Variants in PTPRK observed in about 807,000 individuals in gnomAD.
PTPRK encodes protein tyrosine phosphatase receptor type K, also known as receptor-type tyrosine-protein phosphatase kappa.
PTPRK carries 75 observed loss-of-function variants against 178.0 expected under a neutral mutation model. That is an observed-to-expected ratio of 0.42 (90% CI 0.35 to 0.51). PTPRK has a LOEUF of 0.51. Ranked by LOEUF, PTPRK falls within the 20% of genes least tolerant of loss-of-function variation. The pLI, the probability that PTPRK is intolerant of heterozygous loss-of-function variation, is 0.02. For missense variants in PTPRK, 1,441 were observed against 1,797.8 expected, an observed-to-expected ratio of 0.80 and a Z score of 3.59; for synonymous variants, 637 against 620.6, an observed-to-expected ratio of 1.03 and a Z score of -0.39.
intron 1 of PTPRK, among the ~76,000 whole-genome samples, chr6:128,484,277 T>C (rs1852510025): frequency 6.6e-6 from 1 of 152,174 alleles, no homozygotes; most frequent in Non-Finnish European, 1.5e-5. Flanking sequence ...AATATAGGTT[T>C]CAGTACCACC....
chr6:128,309,740 C>T (rs898720317), intron 3 of PTPRK, among the ~76,000 whole-genome samples: 2 of 151,326 alleles, frequency 1.3e-5, no homozygotes, highest in Non-Finnish European at 3.0e-5. Flanking sequence ...ATTTTCCAAA[C>T]CATTCCCTCT....
chr6:128,118,891 TG>T (rs1279254988), intron 7 of PTPRK, among the ~76,000 whole-genome samples: 2 of 152,230 alleles, frequency 1.3e-5, no homozygotes, highest in Non-Finnish European at 2.9e-5. Context: ...TTCTGAACAC[TG>T]GAAGTCTAAA....
intron 7 of PTPRK, among the ~76,000 whole-genome samples, chr6:128,131,084 A>G (rs1794159016): frequency 6.6e-6 from 1 of 152,094 alleles, no homozygotes; most frequent in Admixed American, 6.5e-5. Flanking sequence ...AAGGAGAGAG[A>G]ATTGAAAGGG....
intron 1 of PTPRK, among the ~76,000 whole-genome samples, chr6:128,433,321 T>C (rs543403445): frequency 1.3e-5 from 2 of 152,212 alleles, no homozygotes; most frequent in African/African-American, 4.8e-5. Context: ...CATTCTACTC[T>C]CTACTTCCAT....
At chr6:127,979,731 A>G (rs1775054255) in intron 25 of PTPRK, among the ~76,000 whole-genome samples, 1 of 152,220 alleles carries the variant, frequency 6.6e-6, no homozygotes, top group Non-Finnish European at 1.5e-5. Context: ...CAGGAACAAT[A>G]ACTTAGAAAG....
At chr6:128,355,620 TTC>T (rs1833847084) in intron 2 of PTPRK, among the ~76,000 whole-genome samples, 1 of 152,056 alleles carries the variant, frequency 6.6e-6, no homozygotes, top group Non-Finnish European at 1.5e-5. Context: ...TAAAAAAATA[TTC>T]TTTACACACA....
At chr6:128,063,489 T>TG (rs1781221099) in intron 13 of PTPRK, 2 of 152,216 alleles carry the variant, frequency 1.3e-5, no homozygotes, top group Non-Finnish European at 2.9e-5. Context: ...CAGAGGTCAA[T>TG]GTGGGACACT....
chr6:128,172,744 G>A (rs540071056), intron 7 of PTPRK, among the ~76,000 whole-genome samples: 15 of 143,874 alleles, frequency 1.0e-4, no homozygotes, highest in South Asian at 2.1e-4. Flanking sequence ...ATATACACAC[G>A]TACATATAAG....
Position 128,388,627 on chromosome 6 carries a change from C to T in PTPRK, c.223+8939G>A, listed in dbSNP as rs534554215. On this transcript the variant is annotated intron_variant, in intron 2 of 29. Coordinates refer to ENST00000368226, the MANE Select transcript of PTPRK (RefSeq NM_002844.4). ...AAAGTTCAAAGGTTAAATCCTTATC[C>T]TATATCTCTATATACCTGGATTCCT... Among the ~76,000 whole-genome samples, 9 of 152,290 alleles carry T rather than the reference C, an allele frequency of 5.9e-5. 1 individual carries two copies. Among genetic ancestry groups the T allele is most frequent in the South Asian group, 4.1e-4 (2 of 4,824 alleles).
chr6:128,493,031 C>T (rs572111882), intron 1 of PTPRK, among the ~76,000 whole-genome samples: 5 of 152,028 alleles, frequency 3.3e-5, no homozygotes, highest in Admixed American at 6.6e-5. Flanking sequence ...TTTTAGAAGC[C>T]GGAATATGTG....
At chr6:128,359,832 A>C (rs893337282) in intron 2 of PTPRK, among the ~76,000 whole-genome samples, 9 of 152,298 alleles carry the variant, frequency 5.9e-5, no homozygotes, top group South Asian at 2.1e-4. Flanking sequence ...TTTGCCTACT[A>C]TCTCAATTAA....
At position 127,983,189 on chromosome 6, in the gene PTPRK, T is replaced by C; in HGVS notation, c.3387+53A>G. 6 of 1,464,572 alleles carry C rather than the reference T, an allele frequency of 4.1e-6. No individual in the cohort carries two copies. The South Asian group carries it at 8.1e-5, about 20-fold the overall frequency. The allele number at this position is 1,464,572 out of a possible 1,614,324, so 90.7% of individuals were successfully genotyped here. A position where few individuals can be genotyped will look rare whatever the true frequency, so the allele number is the denominator to read the frequency against. On this transcript the variant is annotated intron_variant, in intron 23 of 29. Transcript: ENST00000368226. ...TATATGAGAGACATCTACTCTTTGT[T>C]TGCAAAAAAAATAAAAAATAAAAAA...
rs1016965615 is a variant in PTPRK, at chr6:127,996,558, A to G, written c.2767+343T>C. 4.6e-5 allele frequency among the ~76,000 whole-genome samples: 7 copies of G among 152,202 alleles called. No homozygotes were observed. In the East Asian group the frequency reaches 1.4e-3, roughly 30 times the overall value. On this transcript the variant is annotated intron_variant, in intron 17 of 29. Transcript: ENST00000368226. ...GCAGTCTCTGCTCGCTGCAACCTCAACCTCCTGGGTTCAAGCAATTCTCTT... is the reference window on the plus strand; with the variant it reads ...GCAGTCTCTGCTCGCTGCAACCTCAGCCTCCTGGGTTCAAGCAATTCTCTT...
At chr6:128,078,135 G>A (rs1010799934) in intron 11 of PTPRK, among the ~76,000 whole-genome samples, 3 of 151,882 alleles carry the variant, frequency 2.0e-5, no homozygotes, top group East Asian at 1.9e-4. Flanking sequence ...AAGAGAGGAC[G>A]TGAAATGAAA....
At chr6:128,111,435 TAA>T (rs1790641924) in intron 7 of PTPRK, among the ~76,000 whole-genome samples, 1 of 152,122 alleles carries the variant, frequency 6.6e-6, no homozygotes, top group Non-Finnish European at 1.5e-5. Flanking sequence ...AAATAAAGAA[TAA>T]GAGAAAAAAC....
chr6:128,300,470 C>A (rs557871559), intron 3 of PTPRK, among the ~76,000 whole-genome samples: 13 of 152,070 alleles, frequency 8.5e-5, no homozygotes, highest in Non-Finnish European at 1.6e-4. Flanking sequence ...TTGGATCCAA[C>A]CCAAATGTCC....
At chr6:128,118,891 T>C (rs184291569) in intron 7 of PTPRK, among the ~76,000 whole-genome samples, 2 of 152,348 alleles carry the variant, frequency 1.3e-5, no homozygotes, top group East Asian at 1.9e-4. Flanking sequence ...TTCTGAACAC[T>C]GGAAGTCTAA....
chr6:128,187,395 C>CTTA (rs1453106126), intron 6 of PTPRK, among the ~76,000 whole-genome samples: 1 of 151,958 alleles, frequency 6.6e-6, no homozygotes, highest in Admixed American at 6.6e-5. Context: ...GAAAAAAATG[C>CTTA]TTACACATTA....
At chr6:128,296,570 C>G (rs1024231421) in intron 3 of PTPRK, among the ~76,000 whole-genome samples, 2 of 152,142 alleles carry the variant, frequency 1.3e-5, no homozygotes. Context: ...GGCCAATATT[C>G]AACATTCTTA....
Sources: gnomAD v4.1 joint callset for allele counts (sites outside exome capture counted in the v4.1 genomes callset) on GRCh38, gnomAD v4.1.1 for gene constraint, MANE v1.5 for transcripts, NCBI Gene and HGNC (gene_info 2026-07-23, HGNC 2026-07-21) for gene names.